VPS35L: variants seen among roughly 807,000 people sequenced by gnomAD.
VPS35L encodes VPS35 endosomal protein-sorting factor-like.
VPS35L carries 83 observed loss-of-function variants against 133.0 expected under a neutral mutation model. The observed-to-expected ratio is 0.62, with a 90% CI of 0.52 to 0.75. The LOEUF is 0.75. Among genes scored for constraint, VPS35L ranks in the 30% least tolerant of loss-of-function variants. The probability of loss-of-function intolerance (pLI) is 0.00; values close to 1 mark genes in which losing one functional copy is unlikely to be tolerated. For synonymous variants in VPS35L, 423 were observed against 449.9 expected (o/e 0.94, Z 0.76); for missense variants, 1,083 against 1,206.8 (o/e 0.90, Z 1.52).
chr16:19,592,403 A>G (rs1972073451), intron 8 of VPS35L, among the ~76,000 whole-genome samples: 1 of 151,874 alleles, frequency 6.6e-6, no homozygotes, highest in Admixed American at 6.6e-5. Flanking sequence ...CTTGTGATAG[A>G]CTAGTAAAGT....
At chr16:19,682,452 G>A in intron 28 of VPS35L, 62 bp downstream of exon 28, 12 of 1,523,062 alleles carry the variant, frequency 7.9e-6, no homozygotes, top group Non-Finnish European at 1.1e-5. Flanking sequence ...CAGACAGAAT[G>A]CTTTCATTTT....
chr16:19,571,371 C>T (rs972440017), intron 3 of VPS35L, among the ~76,000 whole-genome samples: 20 of 152,118 alleles, frequency 1.3e-4, no homozygotes, highest in Non-Finnish European at 2.2e-4. Flanking sequence ...TGTGTGCCAC[C>T]GCACTCAGCT....
At chr16:19,623,092 C>G (rs1269253085) in intron 14 of VPS35L, among the ~76,000 whole-genome samples, 1 of 152,130 alleles carries the variant, frequency 6.6e-6, no homozygotes, top group Non-Finnish European at 1.5e-5. Flanking sequence ...TTCTCCAAAT[C>G]CCCCCGAAGA....
chr16:19,674,117 A>G (rs1249666926), intron 27 of VPS35L, among the ~76,000 whole-genome samples: 1 of 147,018 alleles, frequency 6.8e-6, no homozygotes, highest in East Asian at 2.1e-4. Context: ...CATGCCCATT[A>G]TGAGTAGATC....
intron 28 of VPS35L, among the ~76,000 whole-genome samples, chr16:19,686,319 C>G (rs1231344625): frequency 6.6e-6 from 1 of 152,136 alleles, no homozygotes; most frequent in Admixed American, 6.6e-5. Flanking sequence ...CCACTTTCTT[C>G]CCAGATTAAG....
Position 19,570,866 on chromosome 16 carries a change from TA to T in VPS35L, c.285+1276del, listed in dbSNP as rs1567388555. Reference sequence around the variant, plus strand: ...ATATATATATATATATATATATATATATATATATATATATATATATATATTT... The same window carrying T: ...ATATATATATATATATATATATATATTATATATATATATATATATATATTT... On this transcript the variant is annotated intron_variant, in intron 3 of 30. Transcript: ENST00000417362. 1.2e-3 allele frequency among the ~76,000 whole-genome samples: 102 copies of T among 88,050 alleles called. 4 individuals carry two copies. Among genetic ancestry groups the T allele is most frequent in the African/African-American group, 1.6e-3 (28 of 17,394 alleles). 57.8% of individuals were successfully genotyped at this position (88,050 alleles called of 152,430 possible).
intron 12 of VPS35L, chr16:19,611,739 GTGTGTAT>G (rs1174417013): frequency 6.6e-6 from 1 of 151,948 alleles, no homozygotes; most frequent in Non-Finnish European, 1.5e-5. Flanking sequence ...AGAGGCCAAA[GTGTGTAT>G]GCATCGCCCA....
At chr16:19,667,485 G>A (rs986391696) in intron 26 of VPS35L, among the ~76,000 whole-genome samples, 3 of 152,156 alleles carry the variant, frequency 2.0e-5, no homozygotes, top group East Asian at 1.9e-4. Flanking sequence ...TGTAATCCCA[G>A]AACTTTAGGA....
Position 19,682,707 on chromosome 16 carries a change from C to T in VPS35L, c.2527+317C>T, listed in dbSNP as rs112082512. ...CCAAACCCTGTCTCTACTAAAAAAACAAAAATTAGCCAGGCCTGATGGTGC... is the reference window on the plus strand; with the variant it reads ...CCAAACCCTGTCTCTACTAAAAAAATAAAAATTAGCCAGGCCTGATGGTGC... On this transcript the variant is annotated intron_variant, in intron 28 of 30. Transcript: ENST00000417362. Among the ~76,000 whole-genome samples the T allele has an allele frequency of 8.3e-3, 1,267 of 152,218 alleles. 16 individuals carry two copies. Among genetic ancestry groups the T allele is most frequent in the African/African-American group, 0.03 (1,229 of 41,550 alleles).
intron 27 of VPS35L, among the ~76,000 whole-genome samples, chr16:19,674,466 G>C (rs916097189): frequency 2.6e-5 from 4 of 151,140 alleles, no homozygotes; most frequent in African/African-American, 4.9e-5. Flanking sequence ...AAAGTGCTGG[G>C]ATTTGTGCTG....
intron 5 of VPS35L, among the ~76,000 whole-genome samples, chr16:19,576,457 G>T (rs997538995): frequency 6.6e-6 from 1 of 152,166 alleles, no homozygotes; most frequent in Admixed American, 6.5e-5. Flanking sequence ...TCAAACTGCC[G>T]TGTAGCAGGA....
At chr16:19,582,239 A>G (rs1432147523) in intron 7 of VPS35L, among the ~76,000 whole-genome samples, 2 of 152,176 alleles carry the variant, frequency 1.3e-5, no homozygotes, top group Non-Finnish European at 2.9e-5. Context: ...CTTGGTCCTA[A>G]AGATCCTGCT....
chr16:19,644,986 G>T (rs1215834253), intron 23 of VPS35L, 37 bp downstream of exon 23: 2 of 1,402,474 alleles, frequency 1.4e-6, no homozygotes, highest in African/African-American at 2.8e-5. Flanking sequence ...GCACTTGGAA[G>T]TGTGATGTAA....
chr16:19,650,210 G>A (rs1441396699), intron 24 of VPS35L, among the ~76,000 whole-genome samples, 172 bp from the exon 25 acceptor site: 1 of 152,136 alleles, frequency 6.6e-6, no homozygotes, highest in Non-Finnish European at 1.5e-5. Flanking sequence ...GCCATGATTG[G>A]ATCAGGCCTG....
At position 19,637,665 on chromosome 16, in the gene VPS35L, G is replaced by T; in HGVS notation, c.1698+9G>T. 6.4e-7 allele frequency: 1 copy of T among 1,555,170 alleles called. No individual in the cohort carries two copies. The highest frequency in any genetic ancestry group is 8.8e-7 in the Non-Finnish European group (1 of 1,142,430). On this transcript the variant is annotated intron_variant, in intron 20 of 30. Coordinates refer to ENST00000417362, the MANE Select transcript of VPS35L (RefSeq NM_020314.7). ...CAGTTCTTTTCTCAGTGGTAAGTAGGATTTCTTAATTATCTTTGGAAATTT... is the reference window on the plus strand; with the variant it reads ...CAGTTCTTTTCTCAGTGGTAAGTAGTATTTCTTAATTATCTTTGGAAATTT...
chr16:19,616,180 A>C lies in VPS35L; in HGVS notation c.1090A>C (p.Thr364Pro). ...TAAGAACTTTTTTGACTTCCTCCTT[A>C]CGTTCAAACAGGTAAGAGAACACTA... is the stretch of plus-strand genomic sequence containing the variant. ...LNKNFFDFLL[T>P]FKQIHGDTVQ... is the part of the protein sequence containing the mutation. The change falls in exon 13 of 31, where the codon ACG (threonine) becomes CCG (proline). Residue 364 changes from threonine (T) to proline (P), a missense_variant. By Grantham distance (38) the Thr-to-Pro change is conservative. Transcript: ENST00000417362. The C allele has an allele frequency of 6.2e-7, 1 of 1,610,614 alleles. No individual in the cohort carries two copies. Among genetic ancestry groups the C allele is most frequent in the Non-Finnish European group, 8.5e-7 (1 of 1,177,102 alleles).
At chr16:19,634,552 T>G (rs1473145802) in intron 19 of VPS35L, among the ~76,000 whole-genome samples, 1 of 151,966 alleles carries the variant, frequency 6.6e-6, no homozygotes, top group Non-Finnish European at 1.5e-5. Flanking sequence ...TTATAGCCCA[T>G]TGAGTAAAAT....
chr16:19,616,024 A>T, intron 12 of VPS35L, 90 bp from the exon 13 acceptor site: 1 of 691,082 alleles, frequency 1.4e-6, no homozygotes, highest in Non-Finnish European at 2.3e-6. Flanking sequence ...TGTGTCTATA[A>T]ACATAGGTAT....
intron 8 of VPS35L, among the ~76,000 whole-genome samples, chr16:19,595,162 A>G (rs114477609): frequency 0.025 from 3,870 of 152,222 alleles, 175 homozygotes; most frequent in African/African-American, 0.089. Context: ...GACTCTGAGG[A>G]CAGGAGGGGC....
Sources: allele counts gnomAD v4.1 joint callset (sites outside exome capture counted in the v4.1 genomes callset), GRCh38; gene constraint gnomAD v4.1.1; transcripts MANE v1.5; gene names NCBI Gene and HGNC (gene_info 2026-07-23, HGNC 2026-07-21).